Variants in FGF14 observed in about 807,000 individuals in gnomAD.
FGF14 encodes the protein fibroblast growth factor 14, also known as fibroblast growth factor homologous factor 4.
A neutral mutation model predicts 25.5 loss-of-function variants in FGF14; 5 were observed. That is an observed-to-expected ratio of 0.20 (90% confidence interval 0.10 to 0.41). The LOEUF (loss-of-function observed/expected upper bound fraction) is 0.41. Among genes scored for constraint, FGF14 ranks in the 10% least tolerant of loss-of-function variants. The pLI, the probability that FGF14 is intolerant of heterozygous loss-of-function variation, is 1.00. For synonymous variants in FGF14, 138 were observed against 118.3 expected (o/e 1.17, Z -1.08); for missense variants, 222 against 320.1 (o/e 0.69, Z 2.34).
chr13:102,116,666 A>G (rs1446814909), intron 1 of FGF14, among the ~76,000 whole-genome samples: 2 of 152,176 alleles, frequency 1.3e-5, no homozygotes, highest in African/African-American at 4.8e-5. Flanking sequence ...GAACAGGGGC[A>G]TGAGGGAATG....
intron 2 of FGF14, among the ~76,000 whole-genome samples, chr13:101,874,679 A>G (rs930882442): frequency 6.6e-6 from 1 of 152,140 alleles, no homozygotes; most frequent in Non-Finnish European, 1.5e-5. Context: ...CAAAGTACAC[A>G]ACCTTTATGT....
At chr13:101,751,740 G>T (rs755668340) in intron 3 of FGF14, among the ~76,000 whole-genome samples, 5 of 152,106 alleles carry the variant, frequency 3.3e-5, no homozygotes, top group Non-Finnish European at 5.9e-5. Flanking sequence ...TGGAGGAGTA[G>T]CAGTTGAGAC....
intron 1 of FGF14, among the ~76,000 whole-genome samples, chr13:102,086,344 G>GA (rs2043898970): frequency 6.6e-6 from 1 of 152,032 alleles, no homozygotes. Flanking sequence ...CCAGGATAGA[G>GA]ACGGTGAAAC....
intron 1 of FGF14, among the ~76,000 whole-genome samples, chr13:102,140,678 C>T (rs530239454): frequency 7.2e-5 from 11 of 152,272 alleles, no homozygotes; most frequent in South Asian, 6.2e-4. Context: ...CTTAATAAAA[C>T]CTCAAGATGA....
chr13:102,111,609 G>A lies in FGF14; in HGVS notation c.209-236313C>T, dbSNP rs150036951. Among the ~76,000 whole-genome samples the A allele has an allele frequency of 6.0e-3, 920 of 152,088 alleles. 5 individuals carry two copies. The highest frequency in any genetic ancestry group is 0.024 in the Middle Eastern group (7 of 292). On this transcript the variant is annotated intron_variant, in intron 1 of 4. Transcript: ENST00000376131. ...CACAAGCCTGGAGTTCCAGCTACTC[G>A]GGAGGCTGAGGCAGGAGGATTGCTT... is the stretch of plus-strand genomic sequence containing the variant.
chr13:101,737,740 C>T (rs1037929497), intron 3 of FGF14, among the ~76,000 whole-genome samples: 12 of 151,748 alleles, frequency 7.9e-5, no homozygotes, highest in African/African-American at 1.9e-4. Flanking sequence ...CAATTCCATA[C>T]GCTTCTCTCC....
At chr13:102,282,196 A>G (rs2078039684) in intron 1 of FGF14, among the ~76,000 whole-genome samples, 1 of 151,808 alleles carries the variant, frequency 6.6e-6, no homozygotes, top group Non-Finnish European at 1.5e-5. Context: ...CCTCCCGAGT[A>G]GCTAGGATTA....
chr13:101,810,554 A>G (rs1281283773), intron 3 of FGF14, among the ~76,000 whole-genome samples: 1 of 152,166 alleles, frequency 6.6e-6, no homozygotes, highest in Admixed American at 6.5e-5. Flanking sequence ...TGCTTCGCTG[A>G]CATGCAGGAC....
intron 1 of FGF14, among the ~76,000 whole-genome samples, chr13:102,176,326 C>T (rs1021937429): frequency 3.9e-5 from 6 of 152,070 alleles, no homozygotes; most frequent in African/African-American, 1.4e-4. Context: ...AACAGAAAAC[C>T]AAATACCGTA....
chr13:102,294,647 C>T (rs1159680699), intron 1 of FGF14, among the ~76,000 whole-genome samples: 1 of 152,116 alleles, frequency 6.6e-6, no homozygotes, highest in East Asian at 1.9e-4. Flanking sequence ...TTGTCAATTT[C>T]TGTTTGCCCT....
At chr13:102,124,728 T>G (rs918367345) in intron 1 of FGF14, among the ~76,000 whole-genome samples, 7 of 152,094 alleles carry the variant, frequency 4.6e-5, no homozygotes, top group Non-Finnish European at 8.8e-5. Context: ...AATGTTTTCC[T>G]TTTGTCTTTC....
intron 3 of FGF14, among the ~76,000 whole-genome samples, chr13:101,756,513 T>A (rs968365142): frequency 6.6e-6 from 1 of 152,096 alleles, no homozygotes; most frequent in Non-Finnish European, 1.5e-5. Flanking sequence ...GGTGGGCGGA[T>A]CACGAGGTCA....
intron 3 of FGF14, among the ~76,000 whole-genome samples, chr13:101,865,283 C>A (rs564280567): frequency 6.6e-6 from 1 of 152,182 alleles, no homozygotes; most frequent in East Asian, 1.9e-4. Context: ...AACAAACAAG[C>A]AAACAAAAAA....
At chr13:102,014,574 A>G (rs956222014) in intron 1 of FGF14, among the ~76,000 whole-genome samples, 2 of 152,198 alleles carry the variant, frequency 1.3e-5, no homozygotes, top group African/African-American at 4.8e-5. Flanking sequence ...TTTACATTCA[A>G]TTAAATCAAG....
chr13:101,730,149 G>T (rs184125133), intron 3 of FGF14, among the ~76,000 whole-genome samples: 94 of 152,300 alleles, frequency 6.2e-4, no homozygotes, highest in Non-Finnish European at 9.8e-4. Flanking sequence ...TCCTGAATAT[G>T]CAAGGGAATA....
At chr13:102,290,061 T>A (rs1046133027) in intron 1 of FGF14, among the ~76,000 whole-genome samples, 5 of 152,266 alleles carry the variant, frequency 3.3e-5, no homozygotes, top group Admixed American at 2.0e-4. Context: ...GACTTAGTTT[T>A]CAAAGAAGAG....
intron 1 of FGF14, among the ~76,000 whole-genome samples, chr13:102,043,530 C>T (rs1004444809): frequency 1.3e-4 from 20 of 152,020 alleles, no homozygotes; most frequent in African/African-American, 4.6e-4. Context: ...ACATTTTTCC[C>T]CTAGAGGGAT....
At chr13:102,076,085 GA>G (rs901362155) in intron 1 of FGF14, among the ~76,000 whole-genome samples, 36 of 152,130 alleles carry the variant, frequency 2.4e-4, no homozygotes, top group African/African-American at 8.4e-4. Context: ...CGTTATTAAA[GA>G]AAAATATTTA....
chr13:101,837,430 G>A (rs185134384), intron 3 of FGF14, among the ~76,000 whole-genome samples: 5 of 152,170 alleles, frequency 3.3e-5, no homozygotes, highest in African/African-American at 7.2e-5. Flanking sequence ...GGTTTGTTGT[G>A]AGAATAAAAT....
Sources: gnomAD v4.1 joint callset for allele counts (sites outside exome capture counted in the v4.1 genomes callset) on GRCh38, gnomAD v4.1.1 for gene constraint, MANE v1.5 for transcripts, NCBI Gene and HGNC (gene_info 2026-07-23, HGNC 2026-07-21) for gene names.